The following CLCN5 variants were observed in gnomAD, a reference collection of about 807,000 sequenced individuals.
The protein encoded by CLCN5 is H(+)/Cl(-) exchange transporter 5.
In CLCN5, 17 loss-of-function variants were observed where a neutral mutation model predicts 54.0. The observed-to-expected ratio is 0.31, with a 90% CI of 0.22 to 0.47. CLCN5 has a LOEUF of 0.47. CLCN5 is among the 20% of genes least tolerant of loss of function. The pLI, the probability that CLCN5 is intolerant of heterozygous loss-of-function variation, is 1.00. For synonymous variants in CLCN5, 222 were observed against 233.0 expected (o/e 0.95, Z 0.43); for missense variants, 448 against 646.7 (o/e 0.69, Z 3.33).
At chrX:50,067,692 A>C in intron 4 of CLCN5, 1 of 754,189 alleles carries the variant, frequency 1.3e-6, no homozygotes, top group Non-Finnish European at 1.6e-6. Context: ...CCCCAACCTG[A>C]ATGACCAAAT....
At chrX:49,924,145 A>ATTTTTTTTTTTTTT (rs34424526) in intron 2 of CLCN5, among the ~76,000 whole-genome samples, 1 of 84,507 alleles carries the variant, frequency 1.2e-5, no homozygotes, top group African/African-American at 4.5e-5. Flanking sequence ...CCTAGCTCCT[A>ATTTTTTTTTTTTTT]TTTTTTTTTT....
intron 3 of CLCN5, among the ~76,000 whole-genome samples, chrX:49,970,328 T>C (rs1352155215): frequency 9.0e-6 from 1 of 111,442 alleles, no homozygotes; most frequent in Admixed American, 9.6e-5. Flanking sequence ...GTTTTTATTA[T>C]ATTTAGAGTT....
intron 3 of CLCN5, among the ~76,000 whole-genome samples, chrX:50,026,606 T>C (rs782389888): frequency 1.2e-4 from 13 of 111,974 alleles, no homozygotes; most frequent in African/African-American, 4.2e-4. Context: ...GACCCCTTTA[T>C]CATTATGCAG....
chrX:49,974,471 A>T (rs1374963339), intron 3 of CLCN5, among the ~76,000 whole-genome samples: 1 of 107,814 alleles, frequency 9.3e-6, no homozygotes, highest in Non-Finnish European at 1.9e-5. Context: ...TGCTCTGGGG[A>T]AAGGAAACAT....
At chrX:50,029,639 C>T (rs1931591271) in intron 3 of CLCN5, among the ~76,000 whole-genome samples, 1 of 111,680 alleles carries the variant, frequency 9.0e-6, no homozygotes, top group Non-Finnish European at 1.9e-5. Context: ...GAAAAAAGCT[C>T]ACCATCACTG....
At chrX:50,062,828 C>A (rs1189371652) in intron 4 of CLCN5, among the ~76,000 whole-genome samples, 1 of 103,942 alleles carries the variant, frequency 9.6e-6, no homozygotes, top group East Asian at 3.0e-4. Flanking sequence ...ACAGTGCAAT[C>A]AAACTAGAAC....
chrX:49,933,044 A>G (rs151259), intron 3 of CLCN5, among the ~76,000 whole-genome samples: 19,149 of 110,311 alleles, frequency 0.17, 1,628 homozygotes, highest in East Asian at 0.32. Context: ...TTGGACCACT[A>G]TCACCTAAGA....
At position 50,075,782 on chromosome X, in the gene CLCN5, C is replaced by T; in HGVS notation, c.416-13C>T. ...GTTTAACTTTGGCCTTTCCCTCCCT[C>T]CCCACAAATCAGGTTCGTTAGCTGG... On this transcript the variant is annotated splice_polypyrimidine_tract_variant and intron_variant, in intron 6 of 14. Coordinates refer to ENST00000376091, the MANE Select transcript of CLCN5 (RefSeq NM_001127898.4). The T allele has an allele frequency of 8.3e-7, 1 of 1,208,417 alleles. No homozygotes were observed. The highest frequency in any genetic ancestry group is 1.1e-6 in the Non-Finnish European group (1 of 892,309).
At chrX:50,087,106 A>G (rs1306343670) in intron 11 of CLCN5, among the ~76,000 whole-genome samples, 5 of 111,332 alleles carry the variant, frequency 4.5e-5, no homozygotes, top group African/African-American at 1.6e-4. Flanking sequence ...CTCAGTGATG[A>G]AATTTTAGGA....
At chrX:50,002,792 T>A (rs1929932571) in intron 3 of CLCN5, among the ~76,000 whole-genome samples, 2 of 109,525 alleles carry the variant, frequency 1.8e-5, no homozygotes, top group African/African-American at 6.7e-5. Context: ...TCTAATGACC[T>A]GCATGCCAGA....
chrX:50,056,076 A>G (rs1307676302), intron 4 of CLCN5, among the ~76,000 whole-genome samples: 1 of 108,954 alleles, frequency 9.2e-6, no homozygotes, highest in Non-Finnish European at 1.9e-5. Context: ...TGCTTTTTTG[A>G]AACTTATTTT....
chrX:50,058,321 TTGTTAG>T (rs1473714721), intron 4 of CLCN5, among the ~76,000 whole-genome samples: 1 of 111,749 alleles, frequency 8.9e-6, no homozygotes, highest in African/African-American at 3.2e-5. Flanking sequence ...TCTTGTGTTT[TTGTTAG>T]TGTTTAACTA....
chrX:50,048,357 C>T (rs143755820), intron 4 of CLCN5, among the ~76,000 whole-genome samples: 6,558 of 112,291 alleles, frequency 0.058, 160 homozygotes, highest in Middle Eastern at 0.11. Context: ...AGTCCATGGC[C>T]CCGTGGATGG....
intron 3 of CLCN5, among the ~76,000 whole-genome samples, chrX:50,012,679 T>C (rs1930571057): frequency 6.3e-5 from 7 of 111,958 alleles, no homozygotes; most frequent in Admixed American, 5.7e-4. Flanking sequence ...CTTTAAGTTA[T>C]GTATAGAGCA....
intron 6 of CLCN5, among the ~76,000 whole-genome samples, chrX:50,074,526 G>A (rs928445949): frequency 8.9e-5 from 10 of 111,955 alleles, no homozygotes; most frequent in African/African-American, 3.2e-4. Flanking sequence ...ACAGATAGAA[G>A]GCAGAGAAGA....
chrX:49,991,020 G>A (rs782796269), intron 3 of CLCN5, among the ~76,000 whole-genome samples: 4 of 112,370 alleles, frequency 3.6e-5, no homozygotes, highest in East Asian at 5.6e-4. Flanking sequence ...TATAACATGC[G>A]TGTGCAAGTG....
Position 50,050,612 on chromosome X carries a change from A to G in CLCN5, c.163+8150A>G, listed in dbSNP as rs1932545439. ...TGGATACCAGTCCTTTATCAGATAT[A>G]TATTTTGTAAATGTCTTATCCTAGT... is the stretch of plus-strand genomic sequence containing the variant. On this transcript the variant is annotated intron_variant, in intron 4 of 14. Coordinates refer to ENST00000376091, the MANE Select transcript of CLCN5 (RefSeq NM_001127898.4). 2.1e-5 allele frequency among the ~76,000 whole-genome samples: 2 copies of G among 94,657 alleles called. 1 individual carries two copies. The highest frequency in any genetic ancestry group is 4.2e-5 in the Non-Finnish European group (2 of 47,287). The allele number at this position is 94,657 out of a possible 115,157, so 82.2% of individuals were successfully genotyped here. A position where few individuals can be genotyped will look rare whatever the true frequency, so the allele number is the denominator to read the frequency against.
At chrX:50,012,680 G>A (rs1391986324) in intron 3 of CLCN5, among the ~76,000 whole-genome samples, 1 of 111,688 alleles carries the variant, frequency 9.0e-6, no homozygotes, top group Non-Finnish European at 1.9e-5. Flanking sequence ...TTTAAGTTAT[G>A]TATAGAGCAG....
At chrX:49,979,048 G>A (rs1462148089) in intron 3 of CLCN5, among the ~76,000 whole-genome samples, 1 of 111,198 alleles carries the variant, frequency 9.0e-6, no homozygotes, top group African/African-American at 3.3e-5. Context: ...GGCCAACTTT[G>A]GAGAGGATAA....
Sources: allele counts gnomAD v4.1 joint callset (sites outside exome capture counted in the v4.1 genomes callset), GRCh38; gene constraint gnomAD v4.1.1; transcripts MANE v1.5; gene names NCBI Gene and HGNC (gene_info 2026-07-23, HGNC 2026-07-21).